Variants in TGM7 observed in about 807,000 individuals in gnomAD.
The protein encoded by TGM7 is transglutaminase 7, also known as protein-glutamine gamma-glutamyltransferase Z.
TGM7 carries 74 observed loss-of-function variants against 79.5 expected under a neutral mutation model. That is an observed-to-expected ratio of 0.93 (90% CI 0.77 to 1.13). The LOEUF is 1.13. Among genes scored for constraint, TGM7 ranks in the 50% most tolerant of loss-of-function variants. The probability of loss-of-function intolerance (pLI) is 0.00; values close to 1 mark genes in which losing one functional copy is unlikely to be tolerated. For synonymous variants in TGM7, 354 were observed against 362.5 expected, an observed-to-expected ratio of 0.98 and a Z score of 0.27; for missense variants, 912 against 905.9, an observed-to-expected ratio of 1.01 and a Z score of -0.09.
Position 43,287,452 on chromosome 15 carries a change from G to C in TGM7, c.693C>G (p.Asn231Lys). 6.2e-7 allele frequency: 1 copy of C among 1,614,086 alleles called. No homozygotes were observed. The highest frequency in any genetic ancestry group is 8.5e-7 in the Non-Finnish European group (1 of 1,180,012). The stretch of plus-strand genomic sequence containing the variant: ...GCAGCACGCCATTGTCATCGTTGCT[G>C]TTGATCTGCAGAGGACAGACAGGTG... ...YVCRVVSAMI[N>K]SNDDNGVLQG... The change falls in exon 6 of 13, where the codon AAC (asparagine) becomes AAG (lysine). Residue 231 changes from asparagine to lysine, a missense_variant. Asn to Lys is a moderately conservative substitution (Grantham distance 94). Coordinates refer to ENST00000452443, the MANE Select transcript of TGM7 (RefSeq NM_052955.3).
chr15:43,301,982 C>G, intron 1 of TGM7: 1 of 550,158 alleles, frequency 1.8e-6, no homozygotes, highest in Non-Finnish European at 3.3e-6. Flanking sequence ...CTCAGACTTC[C>G]CAAGGCCATT....
rs752462941 is a variant in TGM7, at chr15:43,291,991, C to G, written c.546G>C (p.Trp182Cys). ...GHERFITSWP[W>C]NYGQFEEDII... ...GTAATAGTGTTACCTGCCCGTAGTTCCAGGGCCAGGAGGTGATGAATCTTT... is the reference window on the plus strand; with the variant it reads ...GTAATAGTGTTACCTGCCCGTAGTTGCAGGGCCAGGAGGTGATGAATCTTT... Residue 182 changes from tryptophan to cysteine, a missense_variant, in exon 4 of 13, where the codon TGG (tryptophan) becomes TGC (cysteine). Trp to Cys is a radical substitution (Grantham distance 215, BLOSUM62 -2). Coordinates refer to ENST00000452443, the MANE Select transcript of TGM7 (RefSeq NM_052955.3). 68 of 1,613,452 alleles carry G rather than the reference C, an allele frequency of 4.2e-5. No individual in the cohort carries two copies. Among genetic ancestry groups the G allele is most frequent in the Admixed American group, 1.5e-4 (9 of 59,988 alleles).
chr15:43,278,969 T>G (rs2042891466), intron 11 of TGM7, 148 bp downstream of exon 11: 1 of 759,894 alleles, frequency 1.3e-6, no homozygotes, highest in Non-Finnish European at 2.0e-6. Flanking sequence ...AACCCCACGC[T>G]GGTACAGAGC....
intron 8 of TGM7, 103 bp from the exon 9 acceptor site, chr15:43,282,189 G>A: frequency 9.4e-6 from 14 of 1,484,396 alleles, no homozygotes; most frequent in Non-Finnish European, 1.3e-5. Context: ...TCTCACCCGT[G>A]GGATATCTTC....
At position 43,284,959 on chromosome 15, in the gene TGM7, A is replaced by G; in HGVS notation, c.866-7T>C. Reference sequence around the variant, plus strand: ...ACACCTAAGCATCTCATTACTAAAGAGAAAAATATAGAGAATCGCTGAGTT... The same window carrying G: ...ACACCTAAGCATCTCATTACTAAAGGGAAAAATATAGAGAATCGCTGAGTT... On this transcript the variant is annotated splice_polypyrimidine_tract_variant and splice_region_variant and intron_variant, in intron 6 of 12. Coordinates refer to ENST00000452443, the MANE Select transcript of TGM7 (RefSeq NM_052955.3). 6.2e-7 allele frequency: 1 copy of G among 1,613,912 alleles called. No homozygotes were observed. Among genetic ancestry groups the G allele is most frequent in the East Asian group, 2.2e-5 (1 of 44,872 alleles).
rs774833178 is a variant in TGM7 at position 43,291,963 on chromosome 15, T to A, written c.558+16A>T. ...TAGGGAGCCCACCCCAGGCCCACAT[T>A]GGGTAATAGTGTTACCTGCCCGTAG... On this transcript the variant is annotated intron_variant, in intron 4 of 12. Transcript: ENST00000452443. 5 of 1,598,382 alleles carry A rather than the reference T, an allele frequency of 3.1e-6. No homozygotes were observed. The East Asian group carries it at 6.7e-5, about 21-fold the overall frequency.
At chr15:43,285,756 T>C (rs993139070) in intron 6 of TGM7, among the ~76,000 whole-genome samples, 2 of 152,172 alleles carry the variant, frequency 1.3e-5, no homozygotes, top group Non-Finnish European at 2.9e-5. Context: ...TTGTGGCTTC[T>C]CATGATACTG....
At chr15:43,302,043 A>C (rs1192142032) in intron 1 of TGM7, 198 bp downstream of exon 1, 2 of 639,110 alleles carry the variant, frequency 3.1e-6, no homozygotes, top group Non-Finnish European at 5.5e-6. Context: ...CAGAAAAGAA[A>C]ACGAATGGCT....
intron 4 of TGM7, among the ~76,000 whole-genome samples, chr15:43,290,477 A>G (rs1218892600): frequency 6.6e-6 from 1 of 152,180 alleles, no homozygotes; most frequent in Admixed American, 6.5e-5. Context: ...GCCTTGTAGT[A>G]TAGTTTGAAG....
chr15:43,291,866 G>T, intron 4 of TGM7, 113 bp downstream of exon 4: 1 of 728,246 alleles, frequency 1.4e-6, no homozygotes, highest in Non-Finnish European at 2.3e-6. Flanking sequence ...ACCCTCGCCT[G>T]TATTAGTGGC....
rs751365040 is a variant in TGM7, at chr15:43,279,718, C to A, written c.1585G>T (p.Val529Leu). The A allele has an allele frequency of 4.3e-6, 7 of 1,613,938 alleles. No individual in the cohort carries two copies. In the African/African-American group the frequency reaches 9.3e-5, roughly 22 times the overall value. The change falls in exon 10 of 13, where the codon GTG becomes TTG. Residue 529 changes from valine (V) to leucine (L), a missense_variant. By Grantham distance (32) the Val-to-Leu change is conservative (BLOSUM62 1). Transcript: ENST00000452443. ...THPRGPIGLV[V>L]RFCAQALLHG... ...AGCAGGGCCTGTGCACAGAAGCGCA[C>A]CACCAGTCCGATGGGCCCCCGAGGG... is the stretch of plus-strand genomic sequence containing the variant.
chr15:43,279,490 C>T, intron 10 of TGM7, 135 bp downstream of exon 10: 1 of 1,267,926 alleles, frequency 7.9e-7, no homozygotes, highest in Non-Finnish European at 1.1e-6. Flanking sequence ...CAGCAGCTGG[C>T]AGCTTCACTG....
Position 43,282,002 on chromosome 15 carries a change from G to T in TGM7, c.1193C>A (p.Ala398Asp). Residue 398 changes from alanine to aspartate, a missense_variant, in exon 9 of 13, where the codon GCC becomes GAC. By Grantham distance (126) the Ala-to-Asp change is moderately radical. Coordinates refer to ENST00000452443, the MANE Select transcript of TGM7 (RefSeq NM_052955.3). ...HLAYDTPFVY[A>D]EVNADEVIWL... ...AATGACTTCATCGGCGTTCACCTCGGCATACACAAAAGGGGTGTCATAGGC... is the reference window on the plus strand; with the variant it reads ...AATGACTTCATCGGCGTTCACCTCGTCATACACAAAAGGGGTGTCATAGGC... 6.2e-7 allele frequency: 1 copy of T among 1,614,028 alleles called. No homozygotes were observed. The highest frequency in any genetic ancestry group is 1.1e-5 in the South Asian group (1 of 91,078).
intron 3 of TGM7, among the ~76,000 whole-genome samples, 178 bp downstream of exon 3, chr15:43,292,531 C>T (rs1047990677): frequency 1.3e-5 from 2 of 152,210 alleles, no homozygotes; most frequent in African/African-American, 2.4e-5. Flanking sequence ...CTTAACATCA[C>T]GTCATGAATA....
At chr15:43,297,619 A>AAG (rs1296256011) in intron 1 of TGM7, among the ~76,000 whole-genome samples, 1 of 151,234 alleles carries the variant, frequency 6.6e-6, no homozygotes, top group African/African-American at 2.4e-5. Flanking sequence ...GAAAGAAAGA[A>AAG]AGAAAGAAAG....
Position 43,284,942 on chromosome 15 carries a change from G to C in TGM7, c.876C>G (p.Cys292Trp). The C allele has an allele frequency of 6.2e-7, 1 of 1,614,166 alleles. No individual in the cohort carries two copies. The highest frequency in any genetic ancestry group is 2.2e-5 in the East Asian group (1 of 44,894). The change falls in exon 7 of 13, where the codon TGC becomes TGG. Residue 292 changes from cysteine (C) to tryptophan (W), a missense_variant. Physicochemically the swap from Cys to Trp is radical, Grantham distance 215. Transcript: ENST00000452443. ...AAACAACACGGGTTGGAACACCTAAGCATCTCATTACTAAAGAGAAAAATA... is the reference window on the plus strand; with the variant it reads ...AAACAACACGGGTTGGAACACCTAACCATCTCATTACTAAAGAGAAAAATA... The part of the protein sequence containing the change: ...FASVMCTVMR[C>W]LGVPTRVVSN...
intron 7 of TGM7, among the ~76,000 whole-genome samples, chr15:43,282,937 C>A: frequency 6.6e-6 from 1 of 152,142 alleles, no homozygotes; most frequent in Middle Eastern, 3.2e-3. Context: ...GTAGTCCCAG[C>A]TACTCGGGAG....
At chr15:43,294,442 G>A (rs920306500) in intron 1 of TGM7, among the ~76,000 whole-genome samples, 8 of 152,224 alleles carry the variant, frequency 5.3e-5, no homozygotes, top group African/African-American at 1.9e-4. Flanking sequence ...CTAGACATCA[G>A]TGTCCTCATC....
intron 1 of TGM7, among the ~76,000 whole-genome samples, chr15:43,295,197 A>C (rs2042986453): frequency 6.6e-6 from 1 of 152,220 alleles, no homozygotes; most frequent in African/African-American, 2.4e-5. Context: ...TCTTCATCTA[A>C]GTAATCAGTA....
Sources: allele counts gnomAD v4.1 joint callset (sites outside exome capture counted in the v4.1 genomes callset), GRCh38; gene constraint gnomAD v4.1.1; transcripts MANE v1.5; gene names NCBI Gene and HGNC (gene_info 2026-07-23, HGNC 2026-07-21).